The following DCDC1 variants were observed in gnomAD, a reference collection of about 807,000 sequenced individuals.
DCDC1 encodes doublecortin domain-containing protein 1.
A neutral mutation model predicts 178.3 loss-of-function variants in DCDC1; 200 were observed. The ratio of observed to expected loss-of-function variants is 1.12; its 90% CI spans 1.00 to 1.26. The LOEUF (loss-of-function observed/expected upper bound fraction) is 1.26, where lower values mean the gene tolerates loss of function less well. Among genes scored for constraint, DCDC1 ranks in the 50% most tolerant of loss-of-function variants. DCDC1 has a pLI of 0.00. For missense variants in DCDC1, 1,983 were observed against 1,749.2 expected, an observed-to-expected ratio of 1.13 and a Z score of -2.38; for synonymous variants, 690 against 604.8, an observed-to-expected ratio of 1.14 and a Z score of -2.07.
chr11:31,240,936 T>G (rs891846019), intron 9 of DCDC1, among the ~76,000 whole-genome samples: 1 of 151,976 alleles, frequency 6.6e-6, no homozygotes, highest in Non-Finnish European at 1.5e-5. Flanking sequence ...CTGATTCAAA[T>G]AAACTAACTC....
chr11:31,187,357 C>T (rs1474288077), intron 9 of DCDC1, among the ~76,000 whole-genome samples: 1 of 152,152 alleles, frequency 6.6e-6, no homozygotes, highest in African/African-American at 2.4e-5. Context: ...TAATACCTAG[C>T]ATACAGCTGC....
chr11:31,007,481 C>T (rs191488636), intron 20 of DCDC1, among the ~76,000 whole-genome samples: 97 of 152,250 alleles, frequency 6.4e-4, no homozygotes, highest in African/African-American at 2.2e-3. Flanking sequence ...CGCTGATATA[C>T]TTGAGTCTAC....
chr11:30,927,115 C>T (rs1268889370), intron 22 of DCDC1, among the ~76,000 whole-genome samples: 2 of 152,202 alleles, frequency 1.3e-5, no homozygotes, highest in East Asian at 1.9e-4. Flanking sequence ...TTTTCTTTAT[C>T]TTCTTGCTTT....
chr11:31,145,977 C>T (rs1246766354), intron 9 of DCDC1, among the ~76,000 whole-genome samples: 1 of 151,954 alleles, frequency 6.6e-6, no homozygotes, highest in African/African-American at 2.4e-5. Flanking sequence ...CTGAGTTAGA[C>T]ACTAATATTA....
Position 30,952,551 on chromosome 11 carries a change from T to C in DCDC1, c.2609A>G (p.Glu870Gly). ...CCACTGGCCTGGCTTACTGGTTCCT[T>C]CATGTTTTATGGCCCACCTAAAACA... ...ASAQRWAIKH[E>G]GTSKPGQWKH... The change falls in exon 21 of 39, where the codon GAA becomes GGA. Residue 870 changes from glutamate to glycine, a missense_variant. Physicochemically the swap from Glu to Gly is moderately conservative, Grantham distance 98 (BLOSUM62 -2). Coordinates refer to ENST00000684477, the MANE Select transcript of DCDC1 (RefSeq NM_001387274.1). 1 of 1,469,356 alleles carries C rather than the reference T, an allele frequency of 6.8e-7. No homozygotes were observed. The highest frequency in any genetic ancestry group is 9.3e-7 in the Non-Finnish European group (1 of 1,070,558). The allele number at this position is 1,469,356 out of a possible 1,614,324, so 91.0% of individuals were successfully genotyped here.
intron 21 of DCDC1, among the ~76,000 whole-genome samples, chr11:30,937,626 G>A (rs1371072433): frequency 3.3e-5 from 5 of 152,042 alleles, no homozygotes; most frequent in Non-Finnish European, 7.4e-5. Context: ...TGGAAACCAT[G>A]ATTTTCACTT....
At chr11:31,181,583 A>G (rs571832595) in intron 9 of DCDC1, among the ~76,000 whole-genome samples, 49 of 152,316 alleles carry the variant, frequency 3.2e-4, no homozygotes, top group African/African-American at 1.2e-3. Context: ...CAGGGTCTGG[A>G]GTGGACCTCC....
intron 7 of DCDC1, among the ~76,000 whole-genome samples, chr11:31,287,003 A>C (rs1235634928): frequency 1.3e-5 from 2 of 152,094 alleles, no homozygotes; most frequent in Non-Finnish European, 2.9e-5. Flanking sequence ...GACACTGATA[A>C]TTAGGAACCC....
intron 25 of DCDC1, 103 bp from the exon 26 acceptor site, chr11:30,917,131 G>T: frequency 2.6e-6 from 3 of 1,152,280 alleles, no homozygotes; most frequent in Non-Finnish European, 3.5e-6. Flanking sequence ...GATGTTGGTG[G>T]ATCTATAAAT....
chr11:31,352,399 A>C (rs1033453584), intron 1 of DCDC1, among the ~76,000 whole-genome samples: 2 of 152,200 alleles, frequency 1.3e-5, no homozygotes, highest in Admixed American at 6.5e-5. Flanking sequence ...AAACAAGTTC[A>C]AACATAATTG....
At chr11:31,292,434 T>C (rs1428764964) in intron 6 of DCDC1, among the ~76,000 whole-genome samples, 1 of 151,904 alleles carries the variant, frequency 6.6e-6, no homozygotes, top group African/African-American at 2.4e-5. Context: ...CATTCAGCCA[T>C]AAAAAAGAAT....
At chr11:30,944,970 T>C (rs1947914893) in intron 21 of DCDC1, among the ~76,000 whole-genome samples, 1 of 135,762 alleles carries the variant, frequency 7.4e-6, no homozygotes. Flanking sequence ...TTTTTTTTTT[T>C]TTTTTTTTTT....
intron 2 of DCDC1, among the ~76,000 whole-genome samples, chr11:31,333,459 G>A (rs1950107276): frequency 6.6e-6 from 1 of 152,172 alleles, no homozygotes; most frequent in South Asian, 2.1e-4. Context: ...AGTTGCTGCA[G>A]TTTCTTCCTA....
intron 20 of DCDC1, among the ~76,000 whole-genome samples, chr11:30,964,814 C>T (rs534053959): frequency 6.6e-6 from 1 of 152,178 alleles, no homozygotes; most frequent in South Asian, 2.1e-4. Context: ...GGAAGAGGGG[C>T]CAATAGGCAG....
chr11:31,212,784 T>G (rs946050981), intron 9 of DCDC1, among the ~76,000 whole-genome samples: 9 of 152,186 alleles, frequency 5.9e-5, no homozygotes, highest in Non-Finnish European at 8.8e-5. Context: ...TAATTCTAAT[T>G]TTAGGAGTTC....
intron 20 of DCDC1, among the ~76,000 whole-genome samples, chr11:31,051,469 A>C (rs866047360): frequency 6.6e-6 from 1 of 152,224 alleles, no homozygotes; most frequent in South Asian, 2.1e-4. Flanking sequence ...CAAGAAGCAC[A>C]AAGAACACCT....
intron 9 of DCDC1, among the ~76,000 whole-genome samples, chr11:31,169,177 G>A (rs1966899068): frequency 6.6e-6 from 1 of 152,102 alleles, no homozygotes; most frequent in Admixed American, 6.5e-5. Flanking sequence ...AGAGGGAGTT[G>A]AACAATGACA....
At chr11:31,279,804 G>C (rs547750299) in intron 7 of DCDC1, among the ~76,000 whole-genome samples, 1 of 152,178 alleles carries the variant, frequency 6.6e-6, no homozygotes, top group South Asian at 2.1e-4. Context: ...TTTGATGGGT[G>C]CAGCAAACCA....
intron 20 of DCDC1, among the ~76,000 whole-genome samples, chr11:30,958,832 T>C (rs1948914884): frequency 6.6e-6 from 1 of 151,992 alleles, no homozygotes. Context: ...TGGGGAGTGA[T>C]TGGAGAATTG....
Sources: gnomAD v4.1 joint callset for allele counts (sites outside exome capture counted in the v4.1 genomes callset) on GRCh38, gnomAD v4.1.1 for gene constraint, MANE v1.5 for transcripts, NCBI Gene and HGNC (gene_info 2026-07-23, HGNC 2026-07-21) for gene names.